CFAP44: variants seen among roughly 807,000 people sequenced by gnomAD.
The protein encoded by CFAP44 is cilia- and flagella-associated protein 44.
Under a neutral mutation model 216.2 loss-of-function variants are expected in CFAP44, and 134 were observed. The ratio of observed to expected loss-of-function variants is 0.62; its 90% CI spans 0.54 to 0.72. The LOEUF (loss-of-function observed/expected upper bound fraction) is 0.72, where lower values mean the gene tolerates loss of function less well. Ranked by LOEUF, CFAP44 falls within the 30% of genes least tolerant of loss-of-function variation. CFAP44 has a pLI of 0.00. For missense variants in CFAP44, 2,035 were observed against 2,182.1 expected (o/e 0.93, Z 1.34); for synonymous variants, 700 against 727.6 (o/e 0.96, Z 0.61).
At chr3:113,429,012 A>G (rs1267306309) in intron 2 of CFAP44, 1 of 152,100 alleles carries the variant, frequency 6.6e-6, no homozygotes, top group Non-Finnish European at 1.5e-5. Context: ...GAGATTGAGA[A>G]CACTATAAGA....
chr3:113,341,394 A>G (rs1950332073), intron 24 of CFAP44, among the ~76,000 whole-genome samples: 1 of 152,190 alleles, frequency 6.6e-6, no homozygotes, highest in Admixed American at 6.5e-5. Flanking sequence ...GTTAAAGATA[A>G]AGGTACGAGC....
intron 15 of CFAP44, among the ~76,000 whole-genome samples, chr3:113,387,361 AG>A (rs1012306602): frequency 2.0e-5 from 3 of 152,172 alleles, no homozygotes; most frequent in Non-Finnish European, 2.9e-5. Context: ...AAGCTACAGT[AG>A]GTAGGGCACC....
At chr3:113,323,425 T>C (rs926808840) in intron 28 of CFAP44, among the ~76,000 whole-genome samples, 1 of 152,070 alleles carries the variant, frequency 6.6e-6, no homozygotes, top group Non-Finnish European at 1.5e-5. Flanking sequence ...TGAGCACACA[T>C]GGACATAAGC....
intron 1 of CFAP44, among the ~76,000 whole-genome samples, chr3:113,437,819 A>G (rs1426191613): frequency 2.6e-5 from 4 of 152,104 alleles, no homozygotes; most frequent in Non-Finnish European, 5.9e-5. Context: ...TTTTGTTTTA[A>G]TAACAAAGGG....
At chr3:113,394,841 G>A (rs900635064) in intron 15 of CFAP44, among the ~76,000 whole-genome samples, 3 of 152,112 alleles carry the variant, frequency 2.0e-5, no homozygotes, top group Non-Finnish European at 4.4e-5. Context: ...GACAAGCTTG[G>A]TCTACACCAT....
rs975914963 is a variant in CFAP44, at chr3:113,358,735, T to C, written c.3065+10A>G. 15 of 1,536,212 alleles carry C rather than the reference T, an allele frequency of 9.8e-6. No individual in the cohort carries two copies. The highest frequency in any genetic ancestry group is 1.7e-4 in the Middle Eastern group (1 of 6,006). Reference sequence around the variant, plus strand: ...CAAACATCTTAGCTTGTAGAGAATATGGATCCTACCGATTCTTTAGCTTCA... The same window carrying C: ...CAAACATCTTAGCTTGTAGAGAATACGGATCCTACCGATTCTTTAGCTTCA... On this transcript the variant is annotated intron_variant, in intron 22 of 34. Coordinates refer to ENST00000393845, the MANE Select transcript of CFAP44 (RefSeq NM_001164496.2).
rs11929188 is a variant in CFAP44, at chr3:113,338,464, C to T, written c.3437+3280G>A. Among the ~76,000 whole-genome samples, 1,366 of 151,756 alleles carry T rather than the reference C, an allele frequency of 9.0e-3. 17 individuals carry two copies. Among genetic ancestry groups the T allele is most frequent in the African/African-American group, 0.031 (1,266 of 41,372 alleles). On this transcript the variant is annotated intron_variant, in intron 24 of 34. Transcript: ENST00000393845. ...CCTATTCAAATGTGAGAAAAAGACA[C>T]GAAGAGTCATGTCACTAAAAATATA...
intron 18 of CFAP44, among the ~76,000 whole-genome samples, chr3:113,370,404 T>C (rs1933110794): frequency 6.6e-6 from 1 of 152,176 alleles, no homozygotes; most frequent in African/African-American, 2.4e-5. Flanking sequence ...GCTTCACCCC[T>C]GGGATGCAAG....
intron 22 of CFAP44, among the ~76,000 whole-genome samples, chr3:113,356,450 A>G (rs925073947): frequency 1.3e-5 from 2 of 152,154 alleles, no homozygotes; most frequent in Non-Finnish European, 2.9e-5. Flanking sequence ...ACAATATTAG[A>G]TGTCAAGATT....
Position 113,300,327 on chromosome 3 carries a change from C to G in CFAP44, c.5078-3442G>C, listed in dbSNP as rs559686263. On this transcript the variant is annotated intron_variant, in intron 32 of 34. Coordinates refer to ENST00000393845, the MANE Select transcript of CFAP44 (RefSeq NM_001164496.2). ...GCAGGGATACTATGGTGAATAATAACTTAATTGTACATTTTAAAATAACTA... is the reference window on the plus strand; with the variant it reads ...GCAGGGATACTATGGTGAATAATAAGTTAATTGTACATTTTAAAATAACTA... Among the ~76,000 whole-genome samples, 3 of 152,140 alleles carry G rather than the reference C, an allele frequency of 2.0e-5. No individual in the cohort carries two copies. In the South Asian group the frequency reaches 6.2e-4, roughly 32 times the overall value.
chr3:113,381,533 T>C (rs79832309), intron 15 of CFAP44, among the ~76,000 whole-genome samples: 56 of 152,324 alleles, frequency 3.7e-4, no homozygotes, highest in Non-Finnish European at 6.5e-4. Flanking sequence ...AAGGTTTTTG[T>C]CCTCTTCCCT....
Position 113,396,521 on chromosome 3 carries a change from T to C in CFAP44, c.1776A>G (p.Thr592=). 1.2e-6 allele frequency: 2 copies of C among 1,614,040 alleles called. No homozygotes were observed. The highest frequency in any genetic ancestry group is 1.7e-6 in the Non-Finnish European group (2 of 1,179,944). The part of the protein sequence containing the change: ...AYERDGEILA[T]GSKDQTVFFF... ...AGAAAGGAAATGTACTGCTTACCCC[T>C]GTGGCTAGAATTTCCCCATCACGTT... The change falls in exon 14 of 35, where the codon ACA becomes ACG. Residue 592 remains threonine, a synonymous_variant. Transcript: ENST00000393845.
At chr3:113,410,745 C>T (rs1016361995) in intron 6 of CFAP44, among the ~76,000 whole-genome samples, 2 of 152,194 alleles carry the variant, frequency 1.3e-5, no homozygotes, top group African/African-American at 4.8e-5. Flanking sequence ...AATGGTTGAA[C>T]TAATTTACAC....
intron 34 of CFAP44, 96 bp downstream of exon 34, chr3:113,294,591 G>A (rs1490766467): frequency 2.8e-6 from 4 of 1,414,294 alleles, no homozygotes; most frequent in Non-Finnish European, 9.2e-7. Context: ...ATCAAGCAAG[G>A]TTTGTTTAAA....
intron 17 of CFAP44, among the ~76,000 whole-genome samples, chr3:113,377,110 A>C (rs552829053): frequency 6.6e-5 from 10 of 152,336 alleles, no homozygotes; most frequent in Non-Finnish European, 1.3e-4. Flanking sequence ...TTTTCTGTGA[A>C]ATGTGAGATG....
chr3:113,384,682 C>G (rs1332765881), intron 15 of CFAP44, among the ~76,000 whole-genome samples: 8 of 152,180 alleles, frequency 5.3e-5, no homozygotes, highest in African/African-American at 1.9e-4. Flanking sequence ...AATCTACCAA[C>G]ACCTTGATTT....
intron 21 of CFAP44, among the ~76,000 whole-genome samples, chr3:113,360,057 T>C (rs1159167503): frequency 6.6e-6 from 1 of 151,672 alleles, no homozygotes; most frequent in Non-Finnish European, 1.5e-5. Context: ...TTCAAACCTA[T>C]ACTTATGTCT....
chr3:113,302,772 C>CAAAAAAAAAAAAAAAAAAAAAAAA (rs57355375), intron 32 of CFAP44, among the ~76,000 whole-genome samples: 1 of 44,486 alleles, frequency 2.2e-5, no homozygotes, highest in Non-Finnish European at 4.7e-5. Flanking sequence ...GACTCCATCT[C>CAAAAAAAAAAAAAAAAAAAAAAAA]AAAAAAAAAA....
chr3:113,332,453 T>C (rs987860446), intron 25 of CFAP44, among the ~76,000 whole-genome samples: 18 of 152,108 alleles, frequency 1.2e-4, no homozygotes, highest in African/African-American at 3.1e-4. Context: ...TGTCAGAAAA[T>C]TACAAAATAT....
Sources: gnomAD v4.1 joint callset for allele counts (sites outside exome capture counted in the v4.1 genomes callset) on GRCh38, gnomAD v4.1.1 for gene constraint, MANE v1.5 for transcripts, NCBI Gene and HGNC (gene_info 2026-07-23, HGNC 2026-07-21) for gene names.